Variants in CDH13 observed in about 807,000 individuals in gnomAD.
The protein encoded by CDH13 is cadherin 13, also known as cadherin-13.
In CDH13, 24 loss-of-function variants were observed where a neutral mutation model predicts 63.8. That is an observed-to-expected ratio of 0.38 (90% CI 0.27 to 0.53). CDH13 has a LOEUF of 0.53. Among genes scored for constraint, CDH13 ranks in the 20% least tolerant of loss-of-function variants. The pLI, the probability that CDH13 is intolerant of heterozygous loss-of-function variation, is 0.85. For missense variants in CDH13, 1,049 were observed against 903.1 expected, an observed-to-expected ratio of 1.16 and a Z score of -2.07; for synonymous variants, 503 against 355.3, an observed-to-expected ratio of 1.42 and a Z score of -4.67.
intron 13 of CDH13, among the ~76,000 whole-genome samples, chr16:83,791,738 G>A (rs922229439): frequency 7.3e-5 from 11 of 150,174 alleles, no homozygotes; most frequent in African/African-American, 2.7e-4. Context: ...TTGAACCCAG[G>A]AGTTGGAGGT....
chr16:83,578,539 A>T (rs7193271), intron 7 of CDH13, among the ~76,000 whole-genome samples: 61,005 of 151,822 alleles, frequency 0.4, 12,744 homozygotes, highest in Admixed American at 0.52. Flanking sequence ...GAGAAGCCTG[A>T]GCTGACCCTT....
intron 1 of CDH13, among the ~76,000 whole-genome samples, chr16:82,695,858 T>C (rs915869884): frequency 1.4e-4 from 21 of 152,190 alleles, no homozygotes; most frequent in African/African-American, 4.8e-4. Context: ...GTACAAGATA[T>C]TGAGTGACAT....
intron 3 of CDH13, among the ~76,000 whole-genome samples, chr16:83,099,905 C>T (rs1287905349): frequency 1.3e-5 from 2 of 152,088 alleles, no homozygotes; most frequent in Non-Finnish European, 2.9e-5. Context: ...CTTTCTTCTG[C>T]CTGCGAGTTC....
intron 1 of CDH13, among the ~76,000 whole-genome samples, chr16:82,750,764 G>C (rs1026359491): frequency 6.6e-6 from 1 of 151,262 alleles, no homozygotes; most frequent in Non-Finnish European, 1.5e-5. Flanking sequence ...AAAATTGCAA[G>C]AGATTGGCTT....
At chr16:82,691,802 T>C (rs560712725) in intron 1 of CDH13, among the ~76,000 whole-genome samples, 7 of 152,110 alleles carry the variant, frequency 4.6e-5, no homozygotes, top group African/African-American at 1.7e-4. Flanking sequence ...GAGGCACTGG[T>C]TCTTAAATTG....
intron 1 of CDH13, among the ~76,000 whole-genome samples, chr16:82,726,592 C>T (rs925627586): frequency 1.3e-5 from 2 of 152,162 alleles, no homozygotes; most frequent in Admixed American, 6.5e-5. Context: ...TTTCAAGCAC[C>T]GCTTGTTTCA....
intron 3 of CDH13, among the ~76,000 whole-genome samples, chr16:83,076,383 T>C (rs2032836006): frequency 6.6e-6 from 1 of 152,182 alleles, no homozygotes; most frequent in East Asian, 1.9e-4. Context: ...TTGCTGGGGA[T>C]TGGGATGCTT....
chr16:82,858,298 G>C (rs2039785557), intron 1 of CDH13, 64 bp from the exon 2 acceptor site: 1 of 1,091,754 alleles, frequency 9.2e-7, no homozygotes, highest in Non-Finnish European at 1.4e-6. Context: ...TGCGGATTTG[G>C]CGAAAGTTAG....
intron 2 of CDH13, among the ~76,000 whole-genome samples, chr16:82,936,995 C>T (rs531550630): frequency 1.3e-4 from 20 of 152,126 alleles, no homozygotes; most frequent in Non-Finnish European, 2.4e-4. Context: ...ACGACATCAG[C>T]ACAACCAAAA....
chr16:83,706,830 G>C (rs771479437), intron 10 of CDH13, among the ~76,000 whole-genome samples: 55 of 152,150 alleles, frequency 3.6e-4, no homozygotes, highest in Admixed American at 2.6e-4. Context: ...CTCACGATCA[G>C]GACAAATCAG....
rs188539409 is a variant in CDH13 at position 82,640,084 on chromosome 16, C to G, written c.45+12947C>G. On this transcript the variant is annotated intron_variant, in intron 1 of 13. Transcript: ENST00000567109. ...TTTGTGTTCTGATAGCAGAGAAAGA[C>G]AGGAAACAAGAAAAATAAATAAATA... 6.1e-4 allele frequency among the ~76,000 whole-genome samples: 93 copies of G among 152,292 alleles called. No homozygotes were observed. The Middle Eastern group carries it at 0.01, about 17-fold the overall frequency.
intron 6 of CDH13, among the ~76,000 whole-genome samples, chr16:83,345,864 G>GT (rs1168666827): frequency 6.6e-6 from 1 of 152,098 alleles, no homozygotes; most frequent in Non-Finnish European, 1.5e-5. Flanking sequence ...GCCCAAATAG[G>GT]TAAAATAGTG....
At chr16:83,148,886 A>G (rs192516808) in intron 4 of CDH13, among the ~76,000 whole-genome samples, 2 of 152,286 alleles carry the variant, frequency 1.3e-5, no homozygotes, top group Non-Finnish European at 2.9e-5. Context: ...AAGGAATTCT[A>G]TCCTCATTCT....
chr16:83,150,484 C>T (rs1013284276), intron 4 of CDH13, among the ~76,000 whole-genome samples: 1 of 152,080 alleles, frequency 6.6e-6, no homozygotes, highest in Non-Finnish European at 1.5e-5. Context: ...TCTCTATTGA[C>T]ATCATTTTCA....
intron 2 of CDH13, among the ~76,000 whole-genome samples, chr16:82,951,579 C>G (rs964134471): frequency 6.6e-6 from 1 of 152,164 alleles, no homozygotes; most frequent in African/African-American, 2.4e-5. Context: ...GCAATGAGTC[C>G]TATTTTGTTG....
rs879538718 is a variant in CDH13, at chr16:82,716,698, C to T, written c.45+89561C>T. On this transcript the variant is annotated intron_variant, in intron 1 of 13. Transcript: ENST00000567109. ...GGGGGGTGACTAGTTGTTTTAAAAT[C>T]ATTAGTTGCCTGCACAGGTTTCTGG... is the stretch of plus-strand genomic sequence containing the variant. 4.0e-5 allele frequency among the ~76,000 whole-genome samples: 6 copies of T among 150,644 alleles called. No homozygotes were observed. In the East Asian group the frequency reaches 1.2e-3, roughly 29 times the overall value.
intron 8 of CDH13, among the ~76,000 whole-genome samples, chr16:83,636,205 T>A (rs918488593): frequency 3.9e-5 from 6 of 152,194 alleles, no homozygotes. Flanking sequence ...TACTGTACTG[T>A]CTTATTACCG....
chr16:82,628,171 C>A (rs904953634), intron 1 of CDH13, among the ~76,000 whole-genome samples: 6 of 152,208 alleles, frequency 3.9e-5, no homozygotes, highest in African/African-American at 1.2e-4. Context: ...TTTCGGAGAG[C>A]ACCCCGATCC....
chr16:83,121,529 G>T (rs1172654924), intron 3 of CDH13, among the ~76,000 whole-genome samples: 3 of 152,328 alleles, frequency 2.0e-5, no homozygotes. Context: ...AGTAGTGATG[G>T]TGAGGGCATT....
Sources: allele counts gnomAD v4.1 joint callset (sites outside exome capture counted in the v4.1 genomes callset), GRCh38; gene constraint gnomAD v4.1.1; transcripts MANE v1.5; gene names NCBI Gene and HGNC (gene_info 2026-07-23, HGNC 2026-07-21).